The following GRIK4 variants were observed in gnomAD, a reference collection of about 807,000 sequenced individuals.
GRIK4 encodes the protein glutamate receptor ionotropic, kainate 4.
In GRIK4, 40 loss-of-function variants were observed where a neutral mutation model predicts 104.9. That is an observed-to-expected ratio of 0.38 (90% confidence interval 0.30 to 0.50). The LOEUF (loss-of-function observed/expected upper bound fraction) is 0.50, where lower values mean the gene tolerates loss of function less well. Ranked by LOEUF, GRIK4 falls within the 20% of genes least tolerant of loss-of-function variation. The probability of loss-of-function intolerance (pLI) is 0.93; values close to 1 mark genes in which losing one functional copy is unlikely to be tolerated. For synonymous variants in GRIK4, 485 were observed against 524.9 expected (o/e 0.92, Z 1.04); for missense variants, 1,047 against 1,308.1 (o/e 0.80, Z 3.08).
At chr11:120,824,203 A>G (rs778690935) in intron 6 of GRIK4, among the ~76,000 whole-genome samples, 16 of 152,314 alleles carry the variant, frequency 1.1e-4, no homozygotes, top group Admixed American at 9.2e-4. Context: ...CCAAGTAGAG[A>G]GAGATTGTAT....
intron 1 of GRIK4, among the ~76,000 whole-genome samples, chr11:120,574,420 C>G (rs1259972244): frequency 6.6e-6 from 1 of 152,160 alleles, no homozygotes; most frequent in Non-Finnish European, 1.5e-5. Context: ...TAAATTCTCC[C>G]AACAGTCCTA....
intron 3 of GRIK4, among the ~76,000 whole-genome samples, chr11:120,666,618 C>G (rs1949919357): frequency 6.6e-6 from 1 of 152,198 alleles, no homozygotes; most frequent in African/African-American, 2.4e-5. Context: ...TGTTCCATAT[C>G]TGAAGTCTTA....
intron 1 of GRIK4, chr11:120,619,989 G>C: frequency 2.0e-6 from 1 of 503,234 alleles, no homozygotes; most frequent in Non-Finnish European, 3.6e-6. Flanking sequence ...AGTGTAATTG[G>C]GAGTTTGGGA....
At chr11:120,662,032 G>T (rs1468316632) in intron 3 of GRIK4, among the ~76,000 whole-genome samples, 1 of 152,168 alleles carries the variant, frequency 6.6e-6, no homozygotes, top group African/African-American at 2.4e-5. Context: ...GAATAAAGTG[G>T]CAACCCATCA....
chr11:120,981,910 A>G (rs1223658846), intron 19 of GRIK4, among the ~76,000 whole-genome samples, 196 bp from the exon 20 acceptor site: 1 of 152,016 alleles, frequency 6.6e-6, no homozygotes, highest in African/African-American at 2.4e-5. Flanking sequence ...TATTTCAACT[A>G]TGCTGCATTT....
chr11:120,633,029 CACAA>C (rs1949350290), intron 1 of GRIK4, among the ~76,000 whole-genome samples: 2 of 152,086 alleles, frequency 1.3e-5, no homozygotes, highest in Admixed American at 6.6e-5. Flanking sequence ...CACCCAGGCA[CACAA>C]ACAGATGATG....
chr11:120,815,306 G>C, intron 4 of GRIK4, 72 bp from the exon 5 acceptor site: 1 of 839,136 alleles, frequency 1.2e-6, no homozygotes, highest in South Asian at 1.5e-5. Flanking sequence ...GAAGAGGAGA[G>C]GACTGGGCCA....
chr11:120,856,949 C>T (rs1954121205), intron 8 of GRIK4, among the ~76,000 whole-genome samples: 1 of 152,164 alleles, frequency 6.6e-6, no homozygotes, highest in Non-Finnish European at 1.5e-5. Context: ...TCCCCTAGAC[C>T]TCCCTTGCAG....
intron 6 of GRIK4, among the ~76,000 whole-genome samples, chr11:120,824,031 T>A (rs1028249626): frequency 6.6e-6 from 1 of 152,218 alleles, no homozygotes; most frequent in African/African-American, 2.4e-5. Flanking sequence ...CCATCTTCCT[T>A]ATTAATGCAG....
At chr11:120,785,051 G>A (rs1851857551) in intron 3 of GRIK4, among the ~76,000 whole-genome samples, 1 of 147,652 alleles carries the variant, frequency 6.8e-6, no homozygotes, top group East Asian at 1.9e-4. Flanking sequence ...AAGGCTCCCA[G>A]CAGCCCCCAT....
chr11:120,731,119 G>T (rs1951119759), intron 3 of GRIK4, among the ~76,000 whole-genome samples: 1 of 152,054 alleles, frequency 6.6e-6, no homozygotes, highest in South Asian at 2.1e-4. Flanking sequence ...AAGTGGGGAT[G>T]GTGGGCATCC....
Position 120,513,787 on chromosome 11 carries a change from C to T in GRIK4, c.-159+1900C>T, listed in dbSNP as rs1315326140. 2.6e-5 allele frequency among the ~76,000 whole-genome samples: 4 copies of T among 152,140 alleles called. No individual in the cohort carries two copies. The highest frequency in any genetic ancestry group is 4.4e-5 in the Non-Finnish European group (3 of 68,018). On this transcript the variant is annotated intron_variant, in intron 1 of 20. Transcript: ENST00000527524. The surrounding 1 kb of genome is among the most constrained non-coding windows in gnomAD (Gnocchi z 4.5). ...CCTCCGGGTGGGGAAGAGGTGGATG[C>T]TCGGGAGGGGAGGTTGAGAGGGGAT...
rs1949144288 is a variant in GRIK4 at position 120,618,587 on chromosome 11, T to C, written c.-158-35098T>C. 3.9e-5 allele frequency among the ~76,000 whole-genome samples: 6 copies of C among 152,326 alleles called. No homozygotes were observed. The South Asian group carries it at 1.2e-3, about 32-fold the overall frequency. ...TTGTCCCATCGTAGGCCCAGAGGCC[T>C]AGGAGGACATAATGGTGTCGTGGGC... On this transcript the variant is annotated intron_variant, in intron 1 of 20. Coordinates refer to ENST00000527524, the MANE Select transcript of GRIK4 (RefSeq NM_014619.5).
intron 8 of GRIK4, 90 bp downstream of exon 8, chr11:120,836,934 A>T: frequency 1.1e-6 from 1 of 870,304 alleles, no homozygotes; most frequent in South Asian, 1.4e-5. Context: ...CCAGGGGATG[A>T]CGAGTACAGG....
intron 4 of GRIK4, among the ~76,000 whole-genome samples, chr11:120,811,498 G>A (rs1461922861): frequency 2.0e-5 from 3 of 152,122 alleles, no homozygotes; most frequent in Non-Finnish European, 4.4e-5. Context: ...GAGAATGACA[G>A]TAATAGTACC....
At position 120,872,772 on chromosome 11, in the gene GRIK4, G is replaced by C. The variant is rs1277197268; in HGVS notation, c.907-1294G>C. Reference sequence around the variant, plus strand: ...GTTTTGTTTGTTTGTTTGTTTGTTTGTTTTTTGCCAGGGACCCCGCATACA... The same window carrying C: ...GTTTTGTTTGTTTGTTTGTTTGTTTCTTTTTTGCCAGGGACCCCGCATACA... On this transcript the variant is annotated intron_variant, in intron 9 of 20. Transcript: ENST00000527524. 4 of 189,766 alleles carry C rather than the reference G, an allele frequency of 2.1e-5. No individual in the cohort carries two copies. The South Asian group carries it at 4.3e-4, about 20-fold the overall frequency. The allele number at this position is 189,766 out of a possible 1,614,324, so 11.8% of individuals were successfully genotyped here.
intron 1 of GRIK4, among the ~76,000 whole-genome samples, chr11:120,651,351 T>C (rs1424241192): frequency 6.6e-6 from 1 of 152,190 alleles, no homozygotes; most frequent in African/African-American, 2.4e-5. Flanking sequence ...AGCCCAAGGA[T>C]GCATAGTGAC....
chr11:120,910,452 G>A (rs1942965992), intron 13 of GRIK4, among the ~76,000 whole-genome samples: 1 of 152,212 alleles, frequency 6.6e-6, no homozygotes, highest in African/African-American at 2.4e-5. Flanking sequence ...GTGGAGATGA[G>A]AAGGATGGTT....
chr11:120,564,831 A>G (rs1035228543), intron 1 of GRIK4: 1 of 152,196 alleles, frequency 6.6e-6, no homozygotes, highest in East Asian at 1.9e-4. Flanking sequence ...GCCGGCGGGC[A>G]GTGCGTGGGC....
Sources: gnomAD v4.1 joint callset for allele counts (sites outside exome capture counted in the v4.1 genomes callset) on GRCh38, gnomAD v4.1.1 for gene constraint, Gnocchi (gnomAD v3.1) non-coding constraint, MANE v1.5 for transcripts, NCBI Gene and HGNC (gene_info 2026-07-23, HGNC 2026-07-21) for gene names.